ERAP1: variants seen among roughly 807,000 people sequenced by gnomAD.
ERAP1 encodes adipocyte-derived leucine aminopeptidase.
ERAP1 carries 86 observed loss-of-function variants against 103.7 expected under a neutral mutation model. The observed-to-expected ratio is 0.83, with a 90% CI of 0.70 to 0.99. ERAP1 has a LOEUF of 0.99. Ranked by LOEUF, ERAP1 falls within the 50% of genes least tolerant of loss-of-function variation. The pLI, the probability that ERAP1 is intolerant of heterozygous loss-of-function variation, is 0.00. For synonymous variants in ERAP1, 398 were observed against 402.4 expected (o/e 0.99, Z 0.13); for missense variants, 1,009 against 1,128.4 (o/e 0.89, Z 1.52).
intron 3 of ERAP1, among the ~76,000 whole-genome samples, 161 bp from the exon 4 acceptor site, chr5:96,797,470 GC>G (rs1378916211): frequency 6.6e-6 from 1 of 152,140 alleles, no homozygotes; most frequent in Non-Finnish European, 1.5e-5. Context: ...TTTGCGACCA[GC>G]CTAAGCAACA....
intron 5 of ERAP1, among the ~76,000 whole-genome samples, chr5:96,794,630 A>G (rs1407455189): frequency 6.6e-6 from 1 of 152,244 alleles, no homozygotes; most frequent in Non-Finnish European, 1.5e-5. Flanking sequence ...AATAGTTTTA[A>G]GGGCTTGTGT....
At chr5:96,870,926 T>C in the ERAP1 span, among the ~76,000 whole-genome samples, 146 of 152,324 alleles carry the variant, frequency 9.6e-4, no homozygotes, top group African/African-American at 3.4e-3. Flanking sequence ...TCTGTCTCTG[T>C]GCAAGCACCA....
upstream of ERAP1, chr5:96,808,222 G>GTGTGTGTGTGTGTGTGTGTGTGTTGAGA (rs1561300143): frequency 1.6e-5 from 9 of 560,786 alleles, no homozygotes; most frequent in African/African-American, 2.0e-4. Context: ...GTGTGTGTGT[G>GTGTGTGTGTGTGTGTGTGTGTGTTGAGA]TGTGTGTGTG....
the ERAP1 span, among the ~76,000 whole-genome samples, chr5:96,908,432 T>G: frequency 6.6e-6 from 1 of 152,210 alleles, no homozygotes; most frequent in African/African-American, 2.4e-5. Context: ...AAAATACTTG[T>G]TTTGTCCTAT....
the ERAP1 span, chr5:96,873,290 T>C: frequency 2.2e-6 from 1 of 454,824 alleles, no homozygotes; most frequent in Middle Eastern, 3.3e-4. Flanking sequence ...TCTCACCTGT[T>C]TGTTGAGGGC....
At chr5:96,849,055 A>G in the ERAP1 span, among the ~76,000 whole-genome samples, 1 of 152,224 alleles carries the variant, frequency 6.6e-6, no homozygotes, top group East Asian at 1.9e-4. Context: ...ATGCAAAAAA[A>G]GCATTTGACA....
the ERAP1 span, among the ~76,000 whole-genome samples, chr5:96,864,298 A>G: frequency 6.6e-6 from 1 of 152,230 alleles, no homozygotes; most frequent in African/African-American, 2.4e-5. Context: ...GCCAAAAGTT[A>G]TTTAACTTGT....
In ERAP1 at chr5:96,775,453, T is replaced by TAA. The variant is rs1392440984; in HGVS notation, c.*941_*942dup. On this transcript the variant is annotated 3_prime_UTR_variant, in exon 19 of 19. Transcript: ENST00000443439. ...AGAGAGAGAAAAAAAATCACCTCCC[T>TAA]AAGAAAAGGGTTTTCCTACAGACTT... 5.5e-5 allele frequency: 54 copies of TAA among 985,406 alleles called. No individual in the cohort carries two copies. The highest frequency in any genetic ancestry group is 1.2e-4 in the Admixed American group (2 of 16,264). 61.0% of individuals were successfully genotyped at this position (985,406 alleles called of 1,614,324 possible).
At chr5:96,794,737 A>C (rs1237590976) in intron 5 of ERAP1, among the ~76,000 whole-genome samples, 1 of 152,180 alleles carries the variant, frequency 6.6e-6, no homozygotes, top group Non-Finnish European at 1.5e-5. Context: ...AGGTGCCAGT[A>C]AAGAAAAAAT....
At chr5:96,768,296 C>T in intron 19 of ERAP1, 1 of 408,678 alleles carries the variant, frequency 2.4e-6, no homozygotes, top group Non-Finnish European at 4.7e-6. Flanking sequence ...TGTTGCCAGG[C>T]TGGTCTCGAG....
the ERAP1 span, among the ~76,000 whole-genome samples, chr5:96,907,956 T>A: frequency 6.6e-6 from 1 of 152,132 alleles, no homozygotes; most frequent in Non-Finnish European, 1.5e-5. Context: ...CGTCTTCAGG[T>A]GAAATTTTTG....
chr5:96,829,475 G>A, the ERAP1 span, among the ~76,000 whole-genome samples: 8 of 152,096 alleles, frequency 5.3e-5, no homozygotes, highest in Admixed American at 2.6e-4. Context: ...TAAGACTTCC[G>A]GATTGAATTC....
At chr5:96,760,869 A>G (rs1488236851) in exon 20 of ERAP1, 2 of 151,918 alleles carry the variant, frequency 1.3e-5, no homozygotes, top group African/African-American at 4.8e-5. Context: ...ACTCAATAAA[A>G]TTATTCAATG....
At chr5:96,874,445 C>T in the ERAP1 span, among the ~76,000 whole-genome samples, 3 of 152,200 alleles carry the variant, frequency 2.0e-5, no homozygotes, top group Admixed American at 1.3e-4. Flanking sequence ...ATACTCCCAG[C>T]CTCCTATACC....
intron 8 of ERAP1, 85 bp from the exon 9 acceptor site, chr5:96,790,728 TTTC>T: frequency 7.4e-7 from 1 of 1,354,250 alleles, no homozygotes; most frequent in East Asian, 2.3e-5. Flanking sequence ...ATAAAACACA[TTTC>T]TTTGAAAACG....
At chr5:96,855,654 C>T in the ERAP1 span, among the ~76,000 whole-genome samples, 99 of 152,238 alleles carry the variant, frequency 6.5e-4, no homozygotes, top group African/African-American at 1.7e-3. Flanking sequence ...ACTAGCTAAC[C>T]GTCAGAGGCA....
the ERAP1 span, among the ~76,000 whole-genome samples, chr5:96,913,640 A>G: frequency 6.6e-6 from 1 of 152,230 alleles, no homozygotes; most frequent in Non-Finnish European, 1.5e-5. Context: ...AGGGAGAGAC[A>G]TGAGAATAAG....
At chr5:96,843,854 A>C in the ERAP1 span, among the ~76,000 whole-genome samples, 2 of 152,212 alleles carry the variant, frequency 1.3e-5, no homozygotes, top group Non-Finnish European at 2.9e-5. Context: ...CTAAATTTTT[A>C]AACCAAGCTT....
chr5:96,814,324 A>G, the ERAP1 span: 1 of 456,310 alleles, frequency 2.2e-6, no homozygotes. Flanking sequence ...AAAGAAAGGA[A>G]ATTATGCAAG....
Sources: allele counts gnomAD v4.1 joint callset (sites outside exome capture counted in the v4.1 genomes callset), GRCh38; gene constraint gnomAD v4.1.1; transcripts MANE v1.5; gene names NCBI Gene and HGNC (gene_info 2026-07-23, HGNC 2026-07-21).